DERL2: variants seen among roughly 807,000 people sequenced by gnomAD.
The protein encoded by DERL2 is derlin-2.
Under a neutral mutation model 32.0 loss-of-function variants are expected in DERL2, and 13 were observed. The ratio of observed to expected loss-of-function variants is 0.41; its 90% confidence interval spans 0.26 to 0.65. The LOEUF (loss-of-function observed/expected upper bound fraction) is 0.65, where lower values mean the gene tolerates loss of function less well. DERL2 is among the 30% of genes least tolerant of loss of function. DERL2 has a pLI of 0.35. For missense variants in DERL2, 208 were observed against 296.3 expected (o/e 0.70, Z 2.19); for synonymous variants, 111 against 104.7 (o/e 1.06, Z -0.37).
rs1905191292 is a variant in DERL2 at position 5,473,031 on chromosome 17, T to C, written c.*1653A>G. On this transcript the variant is annotated 3_prime_UTR_variant, in exon 7 of 7. Coordinates refer to ENST00000158771, the MANE Select transcript of DERL2 (RefSeq NM_016041.5). Reference sequence around the variant, plus strand: ...AAATACCATTAGTTATGCAATTCCATTTAAAGACATTAAAACACTTTTCAC... The same window carrying C: ...AAATACCATTAGTTATGCAATTCCACTTAAAGACATTAAAACACTTTTCAC... 1 of 152,248 alleles carries C rather than the reference T, an allele frequency of 6.6e-6. No individual in the cohort carries two copies. Among genetic ancestry groups the C allele is most frequent in the African/African-American group, 2.4e-5 (1 of 41,468 alleles). 9.4% of individuals were successfully genotyped at this position (152,248 alleles called of 1,614,324 possible). A position where few individuals can be genotyped will look rare whatever the true frequency, so the allele number is the denominator to read the frequency against.
intron 3 of DERL2, chr17:5,482,421 A>T (rs1406901447): frequency 1.2e-4 from 21 of 182,554 alleles, no homozygotes; most frequent in African/African-American, 7.2e-5. Flanking sequence ...AGGAGATCTC[A>T]GGTTCCCACT....
intron 4 of DERL2, chr17:5,480,800 C>A: frequency 2.4e-6 from 1 of 416,320 alleles, no homozygotes; most frequent in Admixed American, 4.2e-5. Flanking sequence ...CTACTTCAAA[C>A]AAATACTCTG....
chr17:5,486,188 C>G (rs552936839), upstream of DERL2: 7 of 1,131,802 alleles, frequency 6.2e-6, no homozygotes, highest in South Asian at 4.0e-5. Context: ...TGCCCCACCC[C>G]CCACCCACCC....
Position 5,485,223 on chromosome 17 carries a change from T to C in DERL2, c.94-7A>G, listed in dbSNP as rs765622530. 6 of 1,570,052 alleles carry C rather than the reference T, an allele frequency of 3.8e-6. No homozygotes were observed. The highest frequency in any genetic ancestry group is 5.2e-6 in the Non-Finnish European group (6 of 1,162,576). ...GTGTGATCAATTCCAACTGCTGAAA[T>C]AGAAAAAGAGCTTCTTAAAGCAAAT... On this transcript the variant is annotated splice_polypyrimidine_tract_variant and splice_region_variant and intron_variant, in intron 1 of 6. Transcript: ENST00000158771.
At chr17:5,475,032 T>C (rs568093448) in intron 6 of DERL2, among the ~76,000 whole-genome samples, 4 of 152,272 alleles carry the variant, frequency 2.6e-5, no homozygotes, top group South Asian at 2.1e-4. Flanking sequence ...AAGGAGGAAA[T>C]AGAGATGAGC....
rs1905140546 is a variant in DERL2, at chr17:5,471,895, A to G, written c.*2789T>C. Reference sequence around the variant, plus strand: ...CATTACTCAACATGGCAATAGCTCCAATGCTTCCTTATTTTCAGAGGCCCC... The same window carrying G: ...CATTACTCAACATGGCAATAGCTCCGATGCTTCCTTATTTTCAGAGGCCCC... On this transcript the variant is annotated 3_prime_UTR_variant, in exon 7 of 7. Coordinates refer to ENST00000158771, the MANE Select transcript of DERL2 (RefSeq NM_016041.5). The G allele has an allele frequency of 6.6e-6, 1 of 152,194 alleles. No homozygotes were observed. Among genetic ancestry groups the G allele is most frequent in the Non-Finnish European group, 1.5e-5 (1 of 68,036 alleles). 9.4% of individuals were successfully genotyped at this position (152,194 alleles called of 1,614,324 possible).
At position 5,485,179 on chromosome 17, in the gene DERL2, T is replaced by C. The variant is rs768138832; in HGVS notation, c.131A>G (p.Asn44Ser). 1 of 1,597,402 alleles carries C rather than the reference T, an allele frequency of 6.3e-7. No individual in the cohort carries two copies. Among genetic ancestry groups the C allele is most frequent in the Non-Finnish European group, 8.5e-7 (1 of 1,173,116 alleles). ...ELITPFQLYFNPELIFKHFQI... is the reference protein window; with the variant it reads ...ELITPFQLYFSPELIFKHFQI... ...AAAGTGTTTAAAGATTAATTCAGGA[T>C]TGAAGTACAACTGAAAAGGTGTGAT... Residue 44 changes from asparagine (N) to serine (S), a missense_variant, in exon 2 of 7, where the codon AAT becomes AGT. By Grantham distance (46) the Asn-to-Ser change is conservative. Transcript: ENST00000158771.
intron 2 of DERL2, among the ~76,000 whole-genome samples, chr17:5,483,211 A>G (rs1905914422): frequency 6.6e-6 from 1 of 152,238 alleles, no homozygotes. Context: ...TTTCATATGT[A>G]GTATCATCAT....
intron 4 of DERL2, 116 bp from the exon 5 acceptor site, chr17:5,480,698 C>T: frequency 1.1e-6 from 1 of 929,892 alleles, no homozygotes; most frequent in Non-Finnish European, 1.5e-6. Context: ...CAAGTTGTTA[C>T]ATCTTTAGAA....
rs1905173624 is a variant in DERL2, at chr17:5,472,684, AT to A, written c.*1999del. The A allele has an allele frequency of 6.6e-6, 1 of 152,150 alleles. No homozygotes were observed. Among genetic ancestry groups the A allele is most frequent in the Non-Finnish European group, 1.5e-5 (1 of 68,030 alleles). The allele number at this position is 152,150 out of a possible 1,614,324, so 9.4% of individuals were successfully genotyped here. A position where few individuals can be genotyped will look rare whatever the true frequency, so the allele number is the denominator to read the frequency against. On this transcript the variant is annotated 3_prime_UTR_variant, in exon 7 of 7. Transcript: ENST00000158771. ...TGAGTTAACAGATTTTAGGATTAGTATTTTACCACAAAAATGCCATTCATTG... is the reference window on the plus strand; with the variant it reads ...TGAGTTAACAGATTTTAGGATTAGTATTTACCACAAAAATGCCATTCATTG...
At chr17:5,478,200 C>CA (rs554442716) in intron 6 of DERL2, among the ~76,000 whole-genome samples, 95 of 150,074 alleles carry the variant, frequency 6.3e-4, no homozygotes, top group East Asian at 5.4e-3. Context: ...CTTGTCTCCA[C>CA]AAAAAAAAAC....
rs992844189 is a variant in DERL2 at position 5,474,334 on chromosome 17, G to C, written c.*350C>G. On this transcript the variant is annotated 3_prime_UTR_variant, in exon 7 of 7. Coordinates refer to ENST00000158771, the MANE Select transcript of DERL2 (RefSeq NM_016041.5). The surrounding 1 kb of genome is among the most constrained non-coding windows in gnomAD (Gnocchi z 4.3). ...AATTCCGTTTTATTTTGTCCTCTCTGAAACTTCCATTTACACCATGGCCTC... is the reference window on the plus strand; with the variant it reads ...AATTCCGTTTTATTTTGTCCTCTCTCAAACTTCCATTTACACCATGGCCTC... 11 of 172,572 alleles carry C rather than the reference G, an allele frequency of 6.4e-5. No individual in the cohort carries two copies. Among genetic ancestry groups the C allele is most frequent in the African/African-American group, 2.4e-4 (10 of 42,362 alleles). The allele number at this position is 172,572 out of a possible 1,614,324, so 10.7% of individuals were successfully genotyped here. A position where few individuals can be genotyped will look rare whatever the true frequency, so the allele number is the denominator to read the frequency against.
At chr17:5,486,438 C>T (rs138511255), upstream of DERL2, 675 of 346,736 alleles carry the variant, frequency 1.9e-3, 4 homozygotes, top group South Asian at 6.5e-3. Context: ...CAGGTTCCTT[C>T]TGCCAATCCC....
chr17:5,480,212 C>A, intron 5 of DERL2, 68 bp from the exon 6 acceptor site: 2 of 1,246,892 alleles, frequency 1.6e-6, no homozygotes, highest in South Asian at 2.7e-5. Flanking sequence ...GACCTACCAA[C>A]ACAAATTGCC....
At chr17:5,485,819 C>A (rs1906201641) in intron 1 of DERL2, 1 of 397,242 alleles carries the variant, frequency 2.5e-6, no homozygotes, top group African/African-American at 2.1e-5. Flanking sequence ...GCTCCCGCAA[C>A]CCTAACCCGC....
intron 4 of DERL2, 59 bp from the exon 5 acceptor site, chr17:5,480,641 A>G (rs1256828424): frequency 1.5e-6 from 2 of 1,359,286 alleles, no homozygotes; most frequent in African/African-American, 3.0e-5. Context: ...AAGACTGAGC[A>G]GGAGAACTAA....
chr17:5,479,915 G>A lies in DERL2; in HGVS notation c.614+139C>T. On this transcript the variant is annotated intron_variant, in intron 6 of 6. Transcript: ENST00000158771. ...TACCCAGTCCAAGTGCTCTTCAACT[G>A]TAGCCAGAATGCTCAATCTGCAAAT... is the stretch of plus-strand genomic sequence containing the variant. 3 of 591,338 alleles carry A rather than the reference G, an allele frequency of 5.1e-6. No homozygotes were observed. In the South Asian group the frequency reaches 6.6e-5, roughly 13 times the overall value. 36.6% of individuals were successfully genotyped at this position (591,338 alleles called of 1,614,324 possible).
intron 3 of DERL2, chr17:5,482,203 A>G (rs945548085): frequency 1.3e-5 from 2 of 152,430 alleles, no homozygotes; most frequent in African/African-American, 4.8e-5. Context: ...GATTCCTGCC[A>G]TCCTCAGGAA....
Position 5,481,522 on chromosome 17 carries a change from G to T in DERL2, c.234-133C>A, listed in dbSNP as rs1905782221. ...AGTCTTCATTTGTATAAGAATGTTT[G>T]AGTGGTAATGTGATTACTTTTTTAC... On this transcript the variant is annotated intron_variant, in intron 3 of 6. Coordinates refer to ENST00000158771, the MANE Select transcript of DERL2 (RefSeq NM_016041.5). This position sits in a 1 kb window ranked among gnomAD's most constrained non-coding sequence, Gnocchi z 4.4. 2 of 662,150 alleles carry T rather than the reference G, an allele frequency of 3.0e-6. No homozygotes were observed. Among genetic ancestry groups the T allele is most frequent in the Admixed American group, 2.8e-5 (1 of 35,716 alleles). The allele number at this position is 662,150 out of a possible 1,614,324, so 41.0% of individuals were successfully genotyped here. A position where few individuals can be genotyped will look rare whatever the true frequency, so the allele number is the denominator to read the frequency against.
Sources: gnomAD v4.1 joint callset for allele counts (sites outside exome capture counted in the v4.1 genomes callset) on GRCh38, gnomAD v4.1.1 for gene constraint, Gnocchi (gnomAD v3.1) non-coding constraint, MANE v1.5 for transcripts, NCBI Gene and HGNC (gene_info 2026-07-23, HGNC 2026-07-21) for gene names.